The following TENM3 variants were observed in gnomAD, a reference collection of about 807,000 sequenced individuals.
TENM3 encodes the protein teneurin transmembrane protein 3, also known as teneurin-3.
In TENM3, 63 loss-of-function variants were observed where a neutral mutation model predicts 255.1. That is an observed-to-expected ratio of 0.25 (90% CI 0.20 to 0.30). The LOEUF is 0.30. TENM3 is among the 10% of genes least tolerant of loss of function. The probability of loss-of-function intolerance (pLI) is 1.00; values close to 1 mark genes in which losing one functional copy is unlikely to be tolerated. For synonymous variants in TENM3, 1,306 were observed against 1,322.3 expected (o/e 0.99, Z 0.27); for missense variants, 2,929 against 3,461.1 (o/e 0.85, Z 3.86).
chr4:182,711,727 G>T (rs1247992370), intron 12 of TENM3: 11 of 221,392 alleles, frequency 5.0e-5, no homozygotes, highest in Non-Finnish European at 6.8e-5. Context: ...GTTAAATTAT[G>T]TAAAATGCCT....
chr4:181,822,444 T>C, the TENM3 span, among the ~76,000 whole-genome samples: 1 of 152,206 alleles, frequency 6.6e-6, no homozygotes, highest in Admixed American at 6.5e-5. Flanking sequence ...GAAACAGACT[T>C]ATTTAAGGAG....
intron 3 of TENM3, among the ~76,000 whole-genome samples, chr4:182,513,681 G>A (rs920569987): frequency 6.6e-6 from 1 of 152,130 alleles, no homozygotes; most frequent in African/African-American, 2.4e-5. Context: ...TATTTCCTGC[G>A]TTTTGTTGCT....
At chr4:181,953,105 C>T in the TENM3 span, among the ~76,000 whole-genome samples, 44 of 152,212 alleles carry the variant, frequency 2.9e-4, no homozygotes, top group Non-Finnish European at 4.7e-4. Context: ...GGTGACATCA[C>T]ATTAATCATA....
chr4:181,486,104 C>G, the TENM3 span, among the ~76,000 whole-genome samples: 9 of 152,116 alleles, frequency 5.9e-5, no homozygotes, highest in African/African-American at 2.2e-4. Flanking sequence ...CTTTTCTTGA[C>G]AAGACACCAG....
intron 3 of TENM3, among the ~76,000 whole-genome samples, chr4:182,572,496 T>C (rs1405324697): frequency 6.6e-6 from 1 of 152,218 alleles, no homozygotes; most frequent in Non-Finnish European, 1.5e-5. Flanking sequence ...ATTTAATTAA[T>C]AGTACATTAA....
At chr4:182,310,746 G>T (rs919715369) in intron 1 of TENM3, among the ~76,000 whole-genome samples, 1 of 151,498 alleles carries the variant, frequency 6.6e-6, no homozygotes, top group Non-Finnish European at 1.5e-5. Context: ...TCACTCTGTT[G>T]ACCAGGCTGC....
At chr4:181,944,907 A>C in the TENM3 span, among the ~76,000 whole-genome samples, 1 of 151,910 alleles carries the variant, frequency 6.6e-6, no homozygotes, top group Non-Finnish European at 1.5e-5. Flanking sequence ...CTAATTGCAA[A>C]ACTATTCCAC....
chr4:181,482,595 A>C, the TENM3 span, among the ~76,000 whole-genome samples: 1 of 152,132 alleles, frequency 6.6e-6, no homozygotes, highest in Admixed American at 6.6e-5. Flanking sequence ...ATACTTACTA[A>C]GATTTAAAGA....
intron 1 of TENM3, among the ~76,000 whole-genome samples, chr4:182,205,083 G>A (rs1376819378): frequency 2.0e-5 from 3 of 152,018 alleles, no homozygotes; most frequent in African/African-American, 4.8e-5. Context: ...AGTAAAATAC[G>A]GTTTGAGAAT....
rs568982197 is a variant in TENM3 at position 182,347,120 on chromosome 4, G to GA, written c.511+200dup. Among the ~76,000 whole-genome samples, 5,019 of 148,362 alleles carry GA rather than the reference G, an allele frequency of 0.034. 117 individuals are homozygous for GA. Among genetic ancestry groups the GA allele is most frequent in the Non-Finnish European group, 0.052 (3,489 of 67,120 alleles). On this transcript the variant is annotated intron_variant, in intron 3 of 27. Transcript: ENST00000511685. The stretch of plus-strand genomic sequence containing the variant: ...TCCTTGAATAATGCATTTTTTCCTG[G>GA]AAAAAAAAATCAATATTTGACATCA...
At chr4:182,762,957 C>T (rs1763331828) in intron 22 of TENM3, among the ~76,000 whole-genome samples, 1 of 151,454 alleles carries the variant, frequency 6.6e-6, no homozygotes, top group Non-Finnish European at 1.5e-5. Context: ...ACTTCAAGTT[C>T]ATCCCAAAGT....
the TENM3 span, among the ~76,000 whole-genome samples, chr4:181,994,333 G>C: frequency 6.6e-6 from 1 of 152,084 alleles, no homozygotes; most frequent in Non-Finnish European, 1.5e-5. Flanking sequence ...CCTTTGAATA[G>C]GATGGAGATA....
chr4:181,586,485 TG>T, the TENM3 span, among the ~76,000 whole-genome samples: 1 of 151,926 alleles, frequency 6.6e-6, no homozygotes, highest in East Asian at 1.9e-4. Context: ...TCTGCGAAAA[TG>T]GGGGTCTCTC....
intron 4 of TENM3, among the ~76,000 whole-genome samples, chr4:182,610,647 T>A (rs1748900448): frequency 6.6e-6 from 1 of 152,014 alleles, no homozygotes; most frequent in Non-Finnish European, 1.5e-5. Flanking sequence ...CGCACCACTG[T>A]CCTCCAGCCT....
chr4:181,479,658 T>G, the TENM3 span, among the ~76,000 whole-genome samples: 1 of 152,246 alleles, frequency 6.6e-6, no homozygotes, highest in South Asian at 2.1e-4. Flanking sequence ...ATAGGACTCA[T>G]TTTAACATAA....
At chr4:182,389,121 C>A (rs1404847320) in intron 3 of TENM3, among the ~76,000 whole-genome samples, 2 of 152,132 alleles carry the variant, frequency 1.3e-5, no homozygotes, top group African/African-American at 4.8e-5. Context: ...AATCTCTTTT[C>A]TTGTTTAAAA....
the TENM3 span, among the ~76,000 whole-genome samples, chr4:181,809,796 C>T: frequency 1.3e-5 from 2 of 152,036 alleles, no homozygotes; most frequent in Admixed American, 1.3e-4. Flanking sequence ...GCAAGAACGC[C>T]CAAGGCAGCT....
At chr4:181,798,407 C>G in the TENM3 span, among the ~76,000 whole-genome samples, 3 of 152,008 alleles carry the variant, frequency 2.0e-5, no homozygotes, top group Non-Finnish European at 4.4e-5. Flanking sequence ...CTGCTGTGTT[C>G]AAGTGATTAT....
intron 12 of TENM3, among the ~76,000 whole-genome samples, chr4:182,703,539 C>T (rs1248555641): frequency 6.6e-6 from 1 of 152,226 alleles, no homozygotes; most frequent in East Asian, 1.9e-4. Flanking sequence ...CCAGCATCAG[C>T]TCATGAGAAA....
Sources: allele counts gnomAD v4.1 joint callset (sites outside exome capture counted in the v4.1 genomes callset), GRCh38; gene constraint gnomAD v4.1.1; transcripts MANE v1.5; gene names NCBI Gene and HGNC (gene_info 2026-07-23, HGNC 2026-07-21).